Variants in GPR158 observed in about 807,000 individuals in gnomAD.
GPR158 encodes G protein-coupled receptor 158, also known as metabotropic glycine receptor.
Under a neutral mutation model 78.2 loss-of-function variants are expected in GPR158, and 30 were observed. That is an observed-to-expected ratio of 0.38 (90% confidence interval 0.29 to 0.52). The LOEUF (loss-of-function observed/expected upper bound fraction) is 0.52, where lower values mean the gene tolerates loss of function less well. Ranked by LOEUF, GPR158 falls within the 20% of genes least tolerant of loss-of-function variation. The pLI, the probability that GPR158 is intolerant of heterozygous loss-of-function variation, is 0.83. For synonymous variants in GPR158, 581 were observed against 591.1 expected (o/e 0.98, Z 0.25); for missense variants, 1,463 against 1,523.5 (o/e 0.96, Z 0.66).
intron 4 of GPR158, among the ~76,000 whole-genome samples, chr10:25,455,379 T>A (rs1038793470): frequency 5.3e-5 from 8 of 152,204 alleles, no homozygotes; most frequent in Non-Finnish European, 7.4e-5. Context: ...TAAAAAAATC[T>A]GTTATATTAT....
chr10:25,390,862 A>T (rs1441438789), intron 2 of GPR158, among the ~76,000 whole-genome samples: 1 of 152,232 alleles, frequency 6.6e-6, no homozygotes, highest in Non-Finnish European at 1.5e-5. Flanking sequence ...AGAGGTCTTC[A>T]TGGCAGTCCC....
intron 5 of GPR158, among the ~76,000 whole-genome samples, chr10:25,514,960 C>T (rs1370656300): frequency 6.6e-6 from 1 of 152,004 alleles, no homozygotes; most frequent in African/African-American, 2.4e-5. Context: ...TTTCCTTCAT[C>T]TTGACTTTAA....
At chr10:25,256,678 C>G (rs968158793) in intron 2 of GPR158, among the ~76,000 whole-genome samples, 1 of 151,966 alleles carries the variant, frequency 6.6e-6, no homozygotes, top group African/African-American at 2.4e-5. Flanking sequence ...GAGTGAGACT[C>G]TATTCACAAC....
chr10:25,327,442 A>G (rs1855052131), intron 2 of GPR158, among the ~76,000 whole-genome samples: 1 of 152,244 alleles, frequency 6.6e-6, no homozygotes, highest in African/African-American at 2.4e-5. Flanking sequence ...TGTCAGCAGT[A>G]CAGCAGCAAA....
intron 2 of GPR158, among the ~76,000 whole-genome samples, chr10:25,310,547 G>A (rs961828584): frequency 4.6e-5 from 7 of 151,918 alleles, no homozygotes; most frequent in African/African-American, 1.7e-4. Context: ...ATTTATTTAT[G>A]CTTTCTTTAA....
Position 25,598,446 on chromosome 10 carries a change from G to GACAA in GPR158, c.2824_2827dup (p.Arg943LysfsTer8). On this transcript the variant is annotated frameshift_variant, in exon 11 of 11. Coordinates refer to ENST00000376351, the MANE Select transcript of GPR158 (RefSeq NM_020752.3). LOFTEE classifies it low-confidence loss of function (END_TRUNC). ...AGAAACCTTTGCCAAAAGATAAAGA[G>GACAA]ACAAACAGAAATCACTCAAATTCTG... The GACAA allele has an allele frequency of 6.2e-7, 1 of 1,614,036 alleles. No individual in the cohort carries two copies.
intron 6 of GPR158, among the ~76,000 whole-genome samples, chr10:25,551,948 A>C (rs1277181289): frequency 6.6e-6 from 1 of 152,172 alleles, no homozygotes; most frequent in Non-Finnish European, 1.5e-5. Flanking sequence ...GTTTCTGAAT[A>C]AAAATCTCCT....
At chr10:25,205,189 T>G (rs1853005649) in intron 1 of GPR158, among the ~76,000 whole-genome samples, 2 of 152,068 alleles carry the variant, frequency 1.3e-5, no homozygotes, top group South Asian at 4.1e-4. Context: ...AATTACCAAG[T>G]TTCAGGTATG....
At chr10:25,521,995 G>A (rs1836283302) in intron 5 of GPR158, among the ~76,000 whole-genome samples, 1 of 152,166 alleles carries the variant, frequency 6.6e-6, no homozygotes, top group South Asian at 2.1e-4. Context: ...TCTTTTGACT[G>A]TCATAAATAA....
At chr10:25,521,294 C>A (rs1836268975) in intron 5 of GPR158, among the ~76,000 whole-genome samples, 1 of 152,208 alleles carries the variant, frequency 6.6e-6, no homozygotes, top group South Asian at 2.1e-4. Flanking sequence ...AACCCGGTAC[C>A]TCAGATGGAA....
intron 5 of GPR158, among the ~76,000 whole-genome samples, chr10:25,501,673 A>T (rs1177829202): frequency 6.6e-6 from 1 of 152,162 alleles, no homozygotes; most frequent in Non-Finnish European, 1.5e-5. Context: ...GCTCAGAGAG[A>T]CGTGTGTATA....
rs754754633 is a variant in GPR158, at chr10:25,175,416, G to A, written c.-5G>A. On this transcript the variant is annotated 5_prime_UTR_variant, in exon 1 of 11. Coordinates refer to ENST00000376351, the MANE Select transcript of GPR158 (RefSeq NM_020752.3). This position sits in a 1 kb window ranked among gnomAD's most constrained non-coding sequence, Gnocchi z 6.4. ...CCGTTCCCTCCTCTTCTCTCTGGGAGGCAGATGGGAGCCATGGCTTACCCC... is the reference window on the plus strand; with the variant it reads ...CCGTTCCCTCCTCTTCTCTCTGGGAAGCAGATGGGAGCCATGGCTTACCCC... The A allele has an allele frequency of 7.9e-6, 12 of 1,513,504 alleles. No homozygotes were observed. In the Admixed American group the frequency reaches 2.6e-4, roughly 33 times the overall value. 93.8% of individuals were successfully genotyped at this position (1,513,504 alleles called of 1,614,324 possible). A position where few individuals can be genotyped will look rare whatever the true frequency, so the allele number is the denominator to read the frequency against.
chr10:25,352,684 A>G (rs1855491713), intron 2 of GPR158, among the ~76,000 whole-genome samples: 1 of 152,050 alleles, frequency 6.6e-6, no homozygotes, highest in Non-Finnish European at 1.5e-5. Flanking sequence ...CACAGATTCT[A>G]GAGATACCTT....
At chr10:25,334,601 A>G (rs1187433729) in intron 2 of GPR158, among the ~76,000 whole-genome samples, 1 of 152,014 alleles carries the variant, frequency 6.6e-6, no homozygotes, top group Admixed American at 6.6e-5. Context: ...GAAGGAACCA[A>G]GGTCTGAATG....
Position 25,317,739 on chromosome 10 carries a change from TTG to T in GPR158, c.1009-78170_1009-78169del, listed in dbSNP as rs1181757989. ...GTGTTTTTTTTTGTTTTGTTTTGTT[TTG>T]TTTTTGAGACAGAGTCTCGCTTCTT... On this transcript the variant is annotated intron_variant, in intron 2 of 10. Coordinates refer to ENST00000376351, the MANE Select transcript of GPR158 (RefSeq NM_020752.3). Among the ~76,000 whole-genome samples the T allele has an allele frequency of 1.7e-4, 25 of 145,254 alleles. 2 individuals carry two copies. Among genetic ancestry groups the T allele is most frequent in the South Asian group, 8.6e-4 (4 of 4,658 alleles).
intron 5 of GPR158, among the ~76,000 whole-genome samples, chr10:25,503,071 A>G (rs2130660031): frequency 6.6e-6 from 1 of 152,238 alleles, no homozygotes; most frequent in East Asian, 1.9e-4. Flanking sequence ...CTAGGAATAT[A>G]TATGAAATTA....
chr10:25,196,065 C>T (rs865805949), intron 1 of GPR158, among the ~76,000 whole-genome samples: 22 of 151,248 alleles, frequency 1.5e-4, no homozygotes, highest in Admixed American at 5.3e-4. Context: ...ATTACACTTG[C>T]CATTTAGTGG....
At chr10:25,417,785 A>G (rs530271271) in intron 4 of GPR158, among the ~76,000 whole-genome samples, 4 of 152,132 alleles carry the variant, frequency 2.6e-5, no homozygotes, top group Non-Finnish European at 5.9e-5. Flanking sequence ...AGACACCCTG[A>G]GGGAGGGCCA....
chr10:25,451,667 A>G (rs1167184558), intron 4 of GPR158, among the ~76,000 whole-genome samples: 1 of 152,122 alleles, frequency 6.6e-6, no homozygotes, highest in South Asian at 2.1e-4. Flanking sequence ...CTTTGGCCAT[A>G]TATTTTTTTT....
Sources: allele counts gnomAD v4.1 joint callset (sites outside exome capture counted in the v4.1 genomes callset), GRCh38; gene constraint gnomAD v4.1.1; non-coding constraint Gnocchi (gnomAD v3.1); transcripts MANE v1.5; gene names NCBI Gene and HGNC (gene_info 2026-07-23, HGNC 2026-07-21).